Variants in ADAM23 observed in about 807,000 individuals in gnomAD.
ADAM23 encodes the protein disintegrin and metalloproteinase domain-containing protein 23.
ADAM23 carries 33 observed loss-of-function variants against 120.1 expected under a neutral mutation model. That is an observed-to-expected ratio of 0.27 (90% CI 0.21 to 0.37). ADAM23 has a LOEUF of 0.37. Ranked by LOEUF, ADAM23 falls within the 10% of genes least tolerant of loss-of-function variation. ADAM23 has a pLI of 1.00. For missense variants in ADAM23, 862 were observed against 1,058.2 expected, an observed-to-expected ratio of 0.81 and a Z score of 2.57; for synonymous variants, 367 against 375.2, an observed-to-expected ratio of 0.98 and a Z score of 0.25.
intron 3 of ADAM23, among the ~76,000 whole-genome samples, chr2:206,530,497 T>C (rs1697030366): frequency 6.6e-6 from 1 of 152,042 alleles, no homozygotes; most frequent in African/African-American, 2.4e-5. Flanking sequence ...AATTAACATA[T>C]CAATCAGATC....
chr2:206,596,381 G>A (rs1447295406), intron 24 of ADAM23, among the ~76,000 whole-genome samples: 2 of 152,178 alleles, frequency 1.3e-5, no homozygotes, highest in Non-Finnish European at 2.9e-5. Context: ...CTGAGATTGG[G>A]AAGAAGTAAA....
chr2:206,578,420 T>A (rs1698160297), intron 18 of ADAM23, among the ~76,000 whole-genome samples: 1 of 151,866 alleles, frequency 6.6e-6, no homozygotes, highest in Admixed American at 6.6e-5. Context: ...ACTACTTAGC[T>A]ACCACATATC....
intron 3 of ADAM23, among the ~76,000 whole-genome samples, chr2:206,524,391 T>TA (rs1166307838): frequency 6.6e-6 from 1 of 152,152 alleles, no homozygotes; most frequent in Non-Finnish European, 1.5e-5. Context: ...TTCCACAACT[T>TA]ACACTGCTGA....
intron 14 of ADAM23, among the ~76,000 whole-genome samples, chr2:206,566,513 C>G (rs759348995): frequency 9.9e-5 from 15 of 152,074 alleles, no homozygotes; most frequent in Admixed American, 4.6e-4. Flanking sequence ...CCCCTGTGTT[C>G]TGACATAGAG....
intron 4 of ADAM23, among the ~76,000 whole-genome samples, chr2:206,532,004 C>T (rs536265131): frequency 6.6e-6 from 1 of 152,274 alleles, no homozygotes; most frequent in East Asian, 1.9e-4. Context: ...GAGTTTTGTG[C>T]CACAGATTAA....
intron 10 of ADAM23, among the ~76,000 whole-genome samples, chr2:206,558,661 C>T (rs1003691665): frequency 2.0e-5 from 3 of 152,110 alleles, no homozygotes; most frequent in Admixed American, 1.3e-4. Flanking sequence ...GAATCTTAAC[C>T]ACATCTTTTC....
At position 206,584,876 on chromosome 2, in the gene ADAM23, A is replaced by G. The variant is rs985624200; in HGVS notation, c.1738-2449A>G. On this transcript the variant is annotated intron_variant, in intron 18 of 25. Transcript: ENST00000264377. ...TGGATCCCTATGGTGCTAGGCAGGA[A>G]TGGGCTGCTCGGGGACCCAGTGAAC... Among the ~76,000 whole-genome samples the G allele has an allele frequency of 7.9e-5, 12 of 152,260 alleles. No homozygotes were observed. The East Asian group carries it at 2.3e-3, about 29-fold the overall frequency.
intron 3 of ADAM23, among the ~76,000 whole-genome samples, chr2:206,499,387 G>A (rs1302004578): frequency 1.8e-4 from 27 of 148,486 alleles, no homozygotes; most frequent in South Asian, 6.4e-4. Context: ...GCAAACTATC[G>A]CAAGGACAAA....
chr2:206,530,334 C>T lies in ADAM23; in HGVS notation c.510-551C>T, dbSNP rs185349344. Among the ~76,000 whole-genome samples, 664 of 152,310 alleles carry T rather than the reference C, an allele frequency of 4.4e-3. 6 individuals are homozygous for T. Among genetic ancestry groups the T allele is most frequent in the Non-Finnish European group, 6.9e-3 (469 of 68,014 alleles). Reference sequence around the variant, plus strand: ...GCCCACAAAACCTAAAATATCTACTCCCTGGCCTTTATAGAAAACCCTTGC... The same window carrying T: ...GCCCACAAAACCTAAAATATCTACTTCCTGGCCTTTATAGAAAACCCTTGC... On this transcript the variant is annotated intron_variant, in intron 3 of 25. Coordinates refer to ENST00000264377, the MANE Select transcript of ADAM23 (RefSeq NM_003812.4).
intron 3 of ADAM23, among the ~76,000 whole-genome samples, chr2:206,524,910 C>T (rs1696913311): frequency 1.3e-5 from 2 of 152,206 alleles, no homozygotes; most frequent in Admixed American, 1.3e-4. Context: ...TACTCACAGA[C>T]TGTTTGCTTA....
At chr2:206,503,821 C>A (rs1696438928) in intron 3 of ADAM23, among the ~76,000 whole-genome samples, 1 of 152,108 alleles carries the variant, frequency 6.6e-6, no homozygotes, top group Admixed American at 6.6e-5. Context: ...TTTTGCTATT[C>A]ATGGAAGCAT....
Position 206,615,354 on chromosome 2 carries a change from A to G in ADAM23, c.2451-2225A>G, listed in dbSNP as rs115526279. Among the ~76,000 whole-genome samples, 1,496 of 152,360 alleles carry G rather than the reference A, an allele frequency of 9.8e-3. 30 individuals are homozygous for G. Among genetic ancestry groups the G allele is most frequent in the African/African-American group, 0.033 (1,376 of 41,598 alleles). The stretch of plus-strand genomic sequence containing the variant: ...TTCAGAATCCTAGTGAGCGGAGGGT[A>G]TTCAGAGGAAACCGTTATGAAGAAA... On this transcript the variant is annotated intron_variant, in intron 25 of 25. Coordinates refer to ENST00000264377, the MANE Select transcript of ADAM23 (RefSeq NM_003812.4).
chr2:206,565,856 C>G (rs1307263522), intron 14 of ADAM23, among the ~76,000 whole-genome samples: 1 of 152,142 alleles, frequency 6.6e-6, no homozygotes, highest in Non-Finnish European at 1.5e-5. Context: ...AGGCCCTGAC[C>G]TACTTGGACA....
intron 4 of ADAM23, among the ~76,000 whole-genome samples, chr2:206,538,762 C>CTATTAT (rs1409608732): frequency 6.6e-6 from 1 of 151,988 alleles, no homozygotes. Context: ...GTTGTTATTA[C>CTATTAT]TATTATTATT....
At chr2:206,609,450 A>G (rs144987727) in intron 24 of ADAM23, among the ~76,000 whole-genome samples, 1 of 152,366 alleles carries the variant, frequency 6.6e-6, no homozygotes, top group East Asian at 1.9e-4. Context: ...AAAAGTTAGC[A>G]TTCAGACCAC....
At chr2:206,605,224 C>G (rs1698707171) in intron 24 of ADAM23, among the ~76,000 whole-genome samples, 1 of 152,200 alleles carries the variant, frequency 6.6e-6, no homozygotes, top group African/African-American at 2.4e-5. Context: ...AACAAAATGT[C>G]TAAATACTAT....
intron 20 of ADAM23, among the ~76,000 whole-genome samples, chr2:206,588,662 A>G (rs1334962665): frequency 6.6e-6 from 1 of 152,186 alleles, no homozygotes; most frequent in East Asian, 1.9e-4. Context: ...TACATTCCGT[A>G]AAAGTTCACG....
At chr2:206,505,457 C>T (rs1013930255) in intron 3 of ADAM23, among the ~76,000 whole-genome samples, 1 of 152,116 alleles carries the variant, frequency 6.6e-6, no homozygotes, top group Non-Finnish European at 1.5e-5. Context: ...GTTTAACTGG[C>T]TCTTGGTGTT....
At chr2:206,520,709 G>T (rs1696825220) in intron 3 of ADAM23, among the ~76,000 whole-genome samples, 1 of 152,058 alleles carries the variant, frequency 6.6e-6, no homozygotes, top group Admixed American at 6.6e-5. Flanking sequence ...CCCAGTAAAA[G>T]AATCTTATCT....
Sources: gnomAD v4.1 joint callset for allele counts (sites outside exome capture counted in the v4.1 genomes callset) on GRCh38, gnomAD v4.1.1 for gene constraint, MANE v1.5 for transcripts, NCBI Gene and HGNC (gene_info 2026-07-23, HGNC 2026-07-21) for gene names.